SEPTIN3: variants seen among roughly 807,000 people sequenced by gnomAD.
The protein encoded by SEPTIN3 is neuronal-specific septin-3.
Under a neutral mutation model 45.1 loss-of-function variants are expected in SEPTIN3, and 15 were observed. The ratio of observed to expected loss-of-function variants is 0.33; its 90% CI spans 0.22 to 0.51. The LOEUF (loss-of-function observed/expected upper bound fraction) is 0.51, where lower values mean the gene tolerates loss of function less well. SEPTIN3 is among the 20% of genes least tolerant of loss of function. The probability of loss-of-function intolerance (pLI) is 0.97; values close to 1 mark genes in which losing one functional copy is unlikely to be tolerated. For synonymous variants in SEPTIN3, 148 were observed against 164.8 expected (o/e 0.90, Z 0.78); for missense variants, 289 against 457.2 (o/e 0.63, Z 3.35).
intron 2 of SEPTIN3, among the ~76,000 whole-genome samples, chr22:41,974,860 GAAAAAAA>G (rs55642127): frequency 1.6e-4 from 12 of 74,292 alleles, no homozygotes; most frequent in South Asian, 9.5e-4. Flanking sequence ...GTCTCAAAAA[GAAAAAAA>G]AAAAAAAAAA....
intron 7 of SEPTIN3, among the ~76,000 whole-genome samples, chr22:41,990,037 C>T (rs1169026695): frequency 1.3e-5 from 2 of 148,206 alleles, no homozygotes; most frequent in Non-Finnish European, 3.0e-5. Flanking sequence ...CTAGTCCTCA[C>T]TGGCATCTTC....
chr22:41,987,480 G>A, intron 5 of SEPTIN3, 142 bp from the exon 6 acceptor site: 1 of 1,185,952 alleles, frequency 8.4e-7, no homozygotes, highest in South Asian at 1.5e-5. Context: ...TGCGGGGGCT[G>A]AGGGGGAATC....
chr22:41,981,559 T>C lies in SEPTIN3; in HGVS notation c.1505-86T>C, dbSNP rs2078120513. 3.4e-6 allele frequency: 4 copies of C among 1,167,462 alleles called. No individual in the cohort carries two copies. The African/African-American group carries it at 6.2e-5, about 18-fold the overall frequency. The allele number at this position is 1,167,462 out of a possible 1,614,324, so 72.3% of individuals were successfully genotyped here. ...CCAGGCCCAACTTTGTATGATTCTG[T>C]AGCAAGAGAAAAATACCATGGTTTC... is the stretch of plus-strand genomic sequence containing the variant. On this transcript the variant is annotated intron_variant, in intron 2 of 11. Transcript: ENST00000644076.
Position 41,992,700 on chromosome 22 carries a change from A to G in SEPTIN3, c.2296A>G (p.Lys766Glu). 6.2e-7 allele frequency: 1 copy of G among 1,611,884 alleles called. No homozygotes were observed. Among genetic ancestry groups the G allele is most frequent in the Non-Finnish European group, 8.5e-7 (1 of 1,179,020 alleles). The change falls in exon 9 of 12, where the codon AAG (lysine) becomes GAG (glutamate). Residue 766 changes from lysine (K) to glutamate (E), a missense_variant. Physicochemically the swap from Lys to Glu is moderately conservative, Grantham distance 56 (BLOSUM62 1). This residue lies in a region of SEPTIN3 where 84 missense variants were observed against 114.7 expected (regional missense o/e 0.73). Transcript: ENST00000644076. ...SMPFAVVGSD[K>E]EYQVNGKRVL... ...GCCTTTTGCTGTGGTGGGAAGTGAC[A>G]AGGAGTACCAAGTGAATGGCAAGAG...
intron 3 of SEPTIN3, 153 bp downstream of exon 3, chr22:41,981,989 C>T: frequency 2.8e-6 from 2 of 718,956 alleles, no homozygotes; most frequent in Non-Finnish European, 4.6e-6. Context: ...GGCCTGACCC[C>T]TGTCTCCCCT....
At position 41,996,400 on chromosome 22, in the gene SEPTIN3, T is replaced by C. The variant is rs186206123; in HGVS notation, c.2506-502T>C. On this transcript the variant is annotated intron_variant, in intron 11 of 11. Coordinates refer to ENST00000644076, the MANE Select transcript of SEPTIN3 (RefSeq NM_001363845.2). ...TTCTGTCCCATCTCCTGGTTCAGCCTAGGTGTTTCACTGGTCCTCTATGAA... is the reference window on the plus strand; with the variant it reads ...TTCTGTCCCATCTCCTGGTTCAGCCCAGGTGTTTCACTGGTCCTCTATGAA... 1,296 of 986,126 alleles carry C rather than the reference T, an allele frequency of 1.3e-3. 11 individuals are homozygous for C. The highest frequency in any genetic ancestry group is 1.0e-3 in the Non-Finnish European group (852 of 830,444). The allele number at this position is 986,126 out of a possible 1,614,324, so 61.1% of individuals were successfully genotyped here.
At chr22:41,977,070 C>G in intron 2 of SEPTIN3, 3 of 1,601,250 alleles carry the variant, frequency 1.9e-6, no homozygotes, top group Non-Finnish European at 2.5e-6. Context: ...GATTCATGTC[C>G]AAAGGTAGGG....
intron 2 of SEPTIN3, among the ~76,000 whole-genome samples, chr22:41,980,001 CT>C (rs1192345854): frequency 6.6e-6 from 1 of 152,154 alleles, no homozygotes; most frequent in Non-Finnish European, 1.5e-5. Context: ...AACAACCATG[CT>C]TGTGTAACTG....
At chr22:41,975,478 C>G (rs541715022) in intron 2 of SEPTIN3, among the ~76,000 whole-genome samples, 3 of 152,192 alleles carry the variant, frequency 2.0e-5, no homozygotes, top group Non-Finnish European at 4.4e-5. Context: ...GATCTCAGCT[C>G]TCCCTCCATC....
intron 11 of SEPTIN3, chr22:41,995,347 A>T: frequency 6.1e-6 from 6 of 988,724 alleles, no homozygotes; most frequent in Non-Finnish European, 7.2e-6. Flanking sequence ...TGCAGAAAGC[A>T]TCAGTGCCTA....
intron 2 of SEPTIN3, among the ~76,000 whole-genome samples, chr22:41,978,893 TGGAGGAGGAGGAGGAGGA>T (rs71184852): frequency 1.0e-4 from 12 of 120,322 alleles, no homozygotes; most frequent in African/African-American, 2.8e-4. Context: ...GGCTGAATGC[TGGAGGAGGAGGAGGAGGA>T]GGAGGAGGAG....
intron 2 of SEPTIN3, chr22:41,977,223 C>T (rs999651958): frequency 2.9e-5 from 21 of 723,978 alleles, no homozygotes; most frequent in South Asian, 1.8e-4. Context: ...CACGGTGGCA[C>T]CCACCTCGAG....
intron 2 of SEPTIN3, among the ~76,000 whole-genome samples, chr22:41,973,639 C>A (rs2077983099): frequency 6.6e-6 from 1 of 151,654 alleles, no homozygotes; most frequent in Admixed American, 6.6e-5. Flanking sequence ...TGCCACTGCA[C>A]TCCAGCCTGG....
At chr22:41,977,261 T>C (rs1388754186) in intron 2 of SEPTIN3, among the ~76,000 whole-genome samples, 2 of 150,912 alleles carry the variant, frequency 1.3e-5, no homozygotes, top group African/African-American at 4.9e-5. Context: ...GAGGCAGACA[T>C]AGGACGCGGG....
chr22:41,971,952 C>G lies in SEPTIN3; in HGVS notation c.460C>G (p.Pro154Ala), dbSNP rs1602408048. Residue 154 changes from proline to alanine, a missense_variant, in exon 2 of 12, where the codon CCT (proline) becomes GCT (alanine). By Grantham distance (27) the Pro-to-Ala change is conservative. Coordinates refer to ENST00000644076, the MANE Select transcript of SEPTIN3 (RefSeq NM_001363845.2). Reference sequence around the variant, plus strand: ...GAGGGTGTCCTCGCCAGGCTCGCCACCTGTGACCCTAGTGCCAGGGGGCAG... The same window carrying G: ...GAGGGTGTCCTCGCCAGGCTCGCCAGCTGTGACCCTAGTGCCAGGGGGCAG... ...GGRVSSPGSP[P>A]VTLVPGGRVH... 2.5e-6 allele frequency: 1 copy of G among 398,998 alleles called. No homozygotes were observed. 24.7% of individuals were successfully genotyped at this position (398,998 alleles called of 1,614,324 possible).
chr22:41,994,526 A>T lies in SEPTIN3; in HGVS notation c.2412-95A>T. 6.3e-7 allele frequency: 1 copy of T among 1,583,108 alleles called. No homozygotes were observed. On this transcript the variant is annotated intron_variant, in intron 10 of 11. Transcript: ENST00000644076. This position sits in a 1 kb window ranked among gnomAD's most constrained non-coding sequence, Gnocchi z 4.2. ...TCCTTAGCTCCTGGGAGTGGTTCCC[A>T]TTCACTGGGTCCAGTCCCTCGAAGT...
At chr22:41,993,651 T>G (rs899702835) in intron 9 of SEPTIN3, among the ~76,000 whole-genome samples, 1 of 152,046 alleles carries the variant, frequency 6.6e-6, no homozygotes, top group Non-Finnish European at 1.5e-5. Flanking sequence ...CCACCATGCC[T>G]GGTGATTTTA....
chr22:41,995,228 G>T (rs1569441838), intron 11 of SEPTIN3: 2 of 994,632 alleles, frequency 2.0e-6, no homozygotes, highest in East Asian at 2.2e-4. Context: ...GGGGCAGGGA[G>T]TTCAGGACAA....
intron 2 of SEPTIN3, among the ~76,000 whole-genome samples, chr22:41,978,819 G>A (rs2078072208): frequency 6.6e-6 from 1 of 151,284 alleles, no homozygotes; most frequent in Admixed American, 6.6e-5. Flanking sequence ...AATGTGCAGT[G>A]GGCACAGAAG....
Sources: allele counts gnomAD v4.1 joint callset (sites outside exome capture counted in the v4.1 genomes callset), GRCh38; gene constraint gnomAD v4.1.1; regional missense constraint gnomAD v4.1.1; non-coding constraint Gnocchi (gnomAD v3.1); transcripts MANE v1.5; gene names NCBI Gene and HGNC (gene_info 2026-07-23, HGNC 2026-07-21).